PTPRQ: variants seen among roughly 807,000 people sequenced by gnomAD.
PTPRQ encodes protein tyrosine phosphatase receptor type Q.
PTPRQ carries 199 observed loss-of-function variants against 246.0 expected under a neutral mutation model. That is an observed-to-expected ratio of 0.81 (90% CI 0.72 to 0.91). PTPRQ has a LOEUF of 0.91. Among genes scored for constraint, PTPRQ ranks in the 40% least tolerant of loss-of-function variants. The pLI is 0.00. For synonymous variants in PTPRQ, 869 were observed against 853.2 expected (o/e 1.02, Z -0.32); for missense variants, 2,624 against 2,528.4 (o/e 1.04, Z -0.81).
chr12:80,612,444 C>T (rs1490701041), intron 28 of PTPRQ, among the ~76,000 whole-genome samples: 8 of 150,054 alleles, frequency 5.3e-5, no homozygotes, highest in South Asian at 2.1e-4. Context: ...ATTAGCCATT[C>T]GGAAAATGCA....
At chr12:80,621,373 G>C (rs1262249057) in intron 32 of PTPRQ, among the ~76,000 whole-genome samples, 1 of 151,792 alleles carries the variant, frequency 6.6e-6, no homozygotes, top group East Asian at 1.9e-4. Flanking sequence ...AAAATCATAA[G>C]AATTTTATAA....
chr12:80,605,123 C>T lies in PTPRQ; in HGVS notation c.4674C>T (p.Ser1558=), dbSNP rs2121079929. 1 of 1,545,494 alleles carries T rather than the reference C, an allele frequency of 6.5e-7. No homozygotes were observed. The highest frequency in any genetic ancestry group is 2.5e-5 in the East Asian group (1 of 40,690). ...VATSPFSISI[S]WSEPAVITGP... ...CATCACCTTTTAGCATCAGCATAAG[C>T]TGGAGTGAACCTGCTGTCATTACTG... The change falls in exon 27 of 45, where the codon AGC becomes AGT. Residue 1558 remains serine, a synonymous_variant. Transcript: ENST00000644991.
intron 6 of PTPRQ, among the ~76,000 whole-genome samples, chr12:80,466,033 C>A (rs982592555): frequency 1.3e-5 from 2 of 151,948 alleles, no homozygotes; most frequent in Non-Finnish European, 2.9e-5. Flanking sequence ...AGGAAGTAAA[C>A]GGTATTCAAT....
intron 38 of PTPRQ, among the ~76,000 whole-genome samples, chr12:80,656,185 A>G (rs1474852660): frequency 6.6e-6 from 1 of 152,234 alleles, no homozygotes; most frequent in Non-Finnish European, 1.5e-5. Context: ...AATCATTCCC[A>G]TTTCTAAACA....
At chr12:80,590,495 G>T (rs1176447255) in intron 26 of PTPRQ, among the ~76,000 whole-genome samples, 2 of 151,542 alleles carry the variant, frequency 1.3e-5, no homozygotes, top group African/African-American at 2.4e-5. Flanking sequence ...GTGAAACCCC[G>T]TCTCTACTAA....
intron 8 of PTPRQ, among the ~76,000 whole-genome samples, chr12:80,473,047 GCACACACACA>G (rs34054644): frequency 4.8e-5 from 7 of 145,574 alleles, no homozygotes; most frequent in African/African-American, 1.6e-4. Flanking sequence ...TCACACACAC[GCACACACACA>G]CACACACACA....
chr12:80,444,358 A>G lies in PTPRQ; in HGVS notation c.13A>G (p.Ile5Val). ...AAATGTAATAAAGATGGATTTTCTT[A>G]TCATTTTTCTTTTACTTTTTATTGG... MDFLIIFLLLFIGTS... is the reference protein window; with the variant it reads MDFLVIFLLLFIGTS... Residue 5 changes from isoleucine to valine, a missense_variant, in exon 1 of 45, where the codon ATC becomes GTC. Transcript: ENST00000644991. 6.8e-7 allele frequency: 1 copy of G among 1,462,648 alleles called. No homozygotes were observed. Among genetic ancestry groups the G allele is most frequent in the Non-Finnish European group, 9.3e-7 (1 of 1,069,528 alleles). 90.6% of individuals were successfully genotyped at this position (1,462,648 alleles called of 1,614,324 possible).
intron 27 of PTPRQ, among the ~76,000 whole-genome samples, chr12:80,605,500 C>T (rs1195658379): frequency 1.3e-5 from 2 of 150,924 alleles, no homozygotes; most frequent in East Asian, 2.0e-4. Context: ...TGTATATATA[C>T]ACACATACAA....
At chr12:80,521,834 T>A (rs1243180102) in intron 17 of PTPRQ, among the ~76,000 whole-genome samples, 2 of 152,208 alleles carry the variant, frequency 1.3e-5, no homozygotes, top group East Asian at 3.9e-4. Flanking sequence ...TAGGATTGAC[T>A]TGGCAATGTG....
Position 80,488,336 on chromosome 12 carries a change from C to T in PTPRQ, c.1359+3731C>T, listed in dbSNP as rs369411013. 2.3e-4 allele frequency among the ~76,000 whole-genome samples: 35 copies of T among 152,088 alleles called. 1 individual carries two copies. The East Asian group carries it at 2.7e-3, about 12-fold the overall frequency. On this transcript the variant is annotated intron_variant, in intron 9 of 44. Transcript: ENST00000644991. Reference sequence around the variant, plus strand: ...TGAGAGGCCATGCACTACACTCCCCCAGCCTACTATTTTATATTTCAAACA... The same window carrying T: ...TGAGAGGCCATGCACTACACTCCCCTAGCCTACTATTTTATATTTCAAACA...
rs1393276893 is a variant in PTPRQ at position 80,506,561 on chromosome 12, C to T, written c.2456-8C>T. On this transcript the variant is annotated splice_region_variant and splice_polypyrimidine_tract_variant and intron_variant, in intron 15 of 44. Transcript: ENST00000644991. ...AAGTTTCAACTTACCTATTTGATTTCTCTTTAGTACTGAAGAAATATACCC... is the reference window on the plus strand; with the variant it reads ...AAGTTTCAACTTACCTATTTGATTTTTCTTTAGTACTGAAGAAATATACCC... 1 of 1,495,406 alleles carries T rather than the reference C, an allele frequency of 6.7e-7. No homozygotes were observed. The highest frequency in any genetic ancestry group is 2.5e-5 in the East Asian group (1 of 39,924). The allele number at this position is 1,495,406 out of a possible 1,614,324, so 92.6% of individuals were successfully genotyped here. A position where few individuals can be genotyped will look rare whatever the true frequency, so the allele number is the denominator to read the frequency against.
At chr12:80,457,695 T>C (rs1893022947) in intron 4 of PTPRQ, 51 bp downstream of exon 4, 2 of 399,516 alleles carry the variant, frequency 5.0e-6, no homozygotes, top group African/African-American at 4.1e-5. Flanking sequence ...AGTTTGTCGT[T>C]TAAAATAATA....
At chr12:80,653,370 T>C (rs920879058) in intron 38 of PTPRQ, among the ~76,000 whole-genome samples, 7 of 152,200 alleles carry the variant, frequency 4.6e-5, no homozygotes, top group Non-Finnish European at 8.8e-5. Flanking sequence ...AACAGTGTTA[T>C]TGCTTAAAGA....
intron 29 of PTPRQ, among the ~76,000 whole-genome samples, chr12:80,615,730 G>A (rs984079957): frequency 2.0e-5 from 3 of 151,096 alleles, no homozygotes; most frequent in African/African-American, 7.3e-5. Flanking sequence ...GGGAAAAAAA[G>A]AGGATCTTGA....
chr12:80,596,536 G>T (rs1293033870), intron 26 of PTPRQ, among the ~76,000 whole-genome samples: 1 of 151,830 alleles, frequency 6.6e-6, no homozygotes, highest in East Asian at 1.9e-4. Context: ...AACTTCAAAT[G>T]AATTCTCCTA....
chr12:80,662,029 T>A, intron 39 of PTPRQ, among the ~76,000 whole-genome samples: 1 of 152,078 alleles, frequency 6.6e-6, no homozygotes, highest in African/African-American at 2.4e-5. Flanking sequence ...GCCTATACAT[T>A]GTTTTCATTA....
Position 80,619,430 on chromosome 12 carries a change from A to C in PTPRQ, c.5277A>C (p.Thr1759=). The change falls in exon 31 of 45, where the codon ACA becomes ACC. Residue 1759 remains threonine (T), a synonymous_variant. Coordinates refer to ENST00000644991, the MANE Select transcript of PTPRQ (RefSeq NM_001145026.2). ...KTKPTPIYDA[T]GKLLVTSTTI... ...AACCAACCCCTATTTATGATGCCACAGGAAAACTGCTTGTGACTTCAACAA... is the reference window on the plus strand; with the variant it reads ...AACCAACCCCTATTTATGATGCCACCGGAAAACTGCTTGTGACTTCAACAA... The C allele has an allele frequency of 6.5e-7, 1 of 1,548,214 alleles. No homozygotes were observed. The highest frequency in any genetic ancestry group is 8.7e-7 in the Non-Finnish European group (1 of 1,144,790).
intron 6 of PTPRQ, among the ~76,000 whole-genome samples, chr12:80,463,568 G>A (rs1403223243): frequency 1.3e-5 from 2 of 151,982 alleles, no homozygotes; most frequent in African/African-American, 4.8e-5. Context: ...ATAATTGTCA[G>A]ATTCACCAAA....
intron 26 of PTPRQ, among the ~76,000 whole-genome samples, chr12:80,595,483 T>G (rs951511525): frequency 2.0e-5 from 3 of 152,116 alleles, no homozygotes; most frequent in African/African-American, 7.2e-5. Context: ...TGCATTGTTA[T>G]TGCCAAAATT....
Sources: gnomAD v4.1 joint callset for allele counts (sites outside exome capture counted in the v4.1 genomes callset) on GRCh38, gnomAD v4.1.1 for gene constraint, MANE v1.5 for transcripts, NCBI Gene and HGNC (gene_info 2026-07-23, HGNC 2026-07-21) for gene names.